Variants in ADAMTS17 observed in about 807,000 individuals in gnomAD.
ADAMTS17 encodes ADAM metallopeptidase with thrombospondin type 1 motif 17, also known as A disintegrin and metalloproteinase with thrombospondin motifs 17.
Under a neutral mutation model 141.5 loss-of-function variants are expected in ADAMTS17, and 113 were observed. The observed-to-expected ratio is 0.80, with a 90% CI of 0.69 to 0.93. ADAMTS17 has a LOEUF of 0.93. ADAMTS17 is among the 40% of genes least tolerant of loss of function. The pLI is 0.00. For missense variants in ADAMTS17, 1,659 were observed against 1,517.9 expected (o/e 1.09, Z -1.54); for synonymous variants, 768 against 630.6 (o/e 1.22, Z -3.27).
intron 13 of ADAMTS17, among the ~76,000 whole-genome samples, chr15:100,110,809 G>C (rs1342729331): frequency 2.0e-5 from 3 of 152,122 alleles, no homozygotes. Flanking sequence ...CAGGGACAGA[G>C]AGAGGCTTCT....
chr15:100,248,948 G>A (rs1002022895), intron 7 of ADAMTS17, among the ~76,000 whole-genome samples: 1 of 152,000 alleles, frequency 6.6e-6, no homozygotes, highest in Non-Finnish European at 1.5e-5. Flanking sequence ...ACAGGTGCCC[G>A]CCACCACGCC....
intron 15 of ADAMTS17, among the ~76,000 whole-genome samples, chr15:100,063,067 G>C (rs561472345): frequency 6.6e-6 from 1 of 152,316 alleles, no homozygotes; most frequent in South Asian, 2.1e-4. Flanking sequence ...GCTAGGAAGG[G>C]ATTTATCAGA....
At chr15:100,159,750 C>T (rs1049078465) in intron 8 of ADAMTS17, among the ~76,000 whole-genome samples, 5 of 152,200 alleles carry the variant, frequency 3.3e-5, no homozygotes, top group Admixed American at 2.6e-4. Context: ...AACTCACAGA[C>T]CCTGGAGTCC....
At chr15:100,066,165 A>C (rs1326296044) in intron 15 of ADAMTS17, among the ~76,000 whole-genome samples, 1 of 152,178 alleles carries the variant, frequency 6.6e-6, no homozygotes, top group East Asian at 1.9e-4. Context: ...TTGCTATTGT[A>C]AACAGTGCTG....
chr15:100,240,033 CTGTG>C (rs1567411739), intron 7 of ADAMTS17, among the ~76,000 whole-genome samples: 1 of 152,222 alleles, frequency 6.6e-6, no homozygotes, highest in Admixed American at 6.5e-5. Flanking sequence ...ACAATCCAGG[CTGTG>C]CGGCAGATCA....
chr15:100,003,380 C>A (rs938802671), intron 18 of ADAMTS17, among the ~76,000 whole-genome samples: 6 of 152,014 alleles, frequency 3.9e-5, no homozygotes, highest in Non-Finnish European at 8.8e-5. Flanking sequence ...CTGTGGGGGC[C>A]CAGGGAGGCG....
chr15:100,206,534 G>C (rs1324325345), intron 7 of ADAMTS17, among the ~76,000 whole-genome samples: 1 of 152,204 alleles, frequency 6.6e-6, no homozygotes, highest in African/African-American at 2.4e-5. Flanking sequence ...TCCCACTTCA[G>C]TGACAGCTTT....
chr15:100,063,328 G>A (rs184113323), intron 15 of ADAMTS17, among the ~76,000 whole-genome samples: 2 of 152,336 alleles, frequency 1.3e-5, no homozygotes, highest in African/African-American at 4.8e-5. Context: ...CCAATGGCCT[G>A]CACTGCTCAG....
At chr15:100,060,630 C>T (rs572878430) in intron 15 of ADAMTS17, among the ~76,000 whole-genome samples, 20 of 152,346 alleles carry the variant, frequency 1.3e-4, no homozygotes, top group African/African-American at 4.8e-4. Context: ...CCTAGCTTCA[C>T]TGGAAGACCT....
intron 15 of ADAMTS17, among the ~76,000 whole-genome samples, chr15:100,088,812 T>C (rs529657987): frequency 6.6e-6 from 1 of 152,202 alleles, no homozygotes; most frequent in Non-Finnish European, 1.5e-5. Flanking sequence ...ACTGGATCCC[T>C]TCCTTACACC....
intron 3 of ADAMTS17, among the ~76,000 whole-genome samples, chr15:100,302,367 G>A (rs765215776): frequency 5.3e-5 from 8 of 152,162 alleles, no homozygotes; most frequent in South Asian, 2.1e-4. Context: ...TGCTGCTATG[G>A]ACGTTCTTAC....
At chr15:100,148,570 C>T (rs925431619) in intron 10 of ADAMTS17, among the ~76,000 whole-genome samples, 1 of 151,736 alleles carries the variant, frequency 6.6e-6, no homozygotes, top group African/African-American at 2.4e-5. Context: ...CTTTCACTTA[C>T]ACTGCTTCTA....
chr15:100,267,617 C>A (rs978980497), intron 4 of ADAMTS17, among the ~76,000 whole-genome samples: 4 of 152,114 alleles, frequency 2.6e-5, no homozygotes, highest in Non-Finnish European at 5.9e-5. Flanking sequence ...ATACGAATCA[C>A]CCCATCACCC....
chr15:100,260,091 C>T (rs112397170), intron 6 of ADAMTS17, among the ~76,000 whole-genome samples: 4,929 of 151,966 alleles, frequency 0.032, 295 homozygotes, highest in African/African-American at 0.11. Flanking sequence ...GTGATCCGCC[C>T]GCCTCAGCCT....
chr15:99,984,615 C>T (rs1391512564), intron 20 of ADAMTS17, among the ~76,000 whole-genome samples: 5 of 152,202 alleles, frequency 3.3e-5, no homozygotes, highest in African/African-American at 1.2e-4. Context: ...TGCTTGGATG[C>T]CATTCACTCC....
chr15:100,207,457 A>G (rs1043619865), intron 7 of ADAMTS17, among the ~76,000 whole-genome samples: 17 of 152,096 alleles, frequency 1.1e-4, no homozygotes, highest in African/African-American at 4.1e-4. Context: ...TTGCTCAAAC[A>G]TGGCTAACCC....
Position 100,234,929 on chromosome 15 carries a change from T to C in ADAMTS17, c.1075+19207A>G, listed in dbSNP as rs549430282. Among the ~76,000 whole-genome samples the C allele has an allele frequency of 2.6e-5, 4 of 152,304 alleles. No homozygotes were observed. The East Asian group carries it at 5.8e-4, about 22-fold the overall frequency. The stretch of plus-strand genomic sequence containing the variant: ...ACAATAGAAAATATCTGGAATATTG[T>C]GCAACCAAACAAGAGAAAGGCAGTG... On this transcript the variant is annotated intron_variant, in intron 7 of 21. Coordinates refer to ENST00000268070, the MANE Select transcript of ADAMTS17 (RefSeq NM_139057.4).
chr15:100,220,020 G>A (rs2042083949), intron 7 of ADAMTS17, among the ~76,000 whole-genome samples: 1 of 152,150 alleles, frequency 6.6e-6, no homozygotes, highest in Non-Finnish European at 1.5e-5. Flanking sequence ...AGGAAAATGA[G>A]ACCTCACATC....
At chr15:100,079,358 G>C (rs1236083310) in intron 15 of ADAMTS17, among the ~76,000 whole-genome samples, 1 of 152,208 alleles carries the variant, frequency 6.6e-6, no homozygotes, top group Admixed American at 6.5e-5. Flanking sequence ...CAATGGAATA[G>C]TATTTGGCAA....
Sources: gnomAD v4.1 joint callset for allele counts (sites outside exome capture counted in the v4.1 genomes callset) on GRCh38, gnomAD v4.1.1 for gene constraint, MANE v1.5 for transcripts, NCBI Gene and HGNC (gene_info 2026-07-23, HGNC 2026-07-21) for gene names.